Variants in WDR59 observed in about 807,000 individuals in gnomAD.
WDR59 encodes WD repeat domain 59.
In WDR59, 100 loss-of-function variants were observed where a neutral mutation model predicts 131.2. The observed-to-expected ratio is 0.76, with a 90% CI of 0.65 to 0.90. The LOEUF is 0.90. WDR59 is among the 40% of genes least tolerant of loss of function. The pLI, the probability that WDR59 is intolerant of heterozygous loss-of-function variation, is 0.00. For missense variants in WDR59, 1,203 were observed against 1,262.2 expected (o/e 0.95, Z 0.71); for synonymous variants, 601 against 466.2 (o/e 1.29, Z -3.72).
rs1567419722 is a variant in WDR59 at position 74,945,455 on chromosome 16, CA to C, written c.446-2630del. 5.4e-4 allele frequency among the ~76,000 whole-genome samples: 82 copies of C among 151,380 alleles called. 1 individual carries two copies. The East Asian group carries it at 0.014, about 26-fold the overall frequency. The stretch of plus-strand genomic sequence containing the variant: ...TCATGCCACTGCACTCCAGCCTGGG[CA>C]ACAGAGCGAGACTCTGTCTCAAAAA... On this transcript the variant is annotated intron_variant, in intron 6 of 25. Coordinates refer to ENST00000262144, the MANE Select transcript of WDR59 (RefSeq NM_030581.4).
In WDR59 at chr16:74,872,388, T is replaced by A. The variant is rs1964026756; in HGVS notation, c.*1821A>T. 1 of 152,012 alleles carries A rather than the reference T, an allele frequency of 6.6e-6. No individual in the cohort carries two copies. Among genetic ancestry groups the A allele is most frequent in the African/African-American group, 2.4e-5 (1 of 41,392 alleles). The allele number at this position is 152,012 out of a possible 1,614,324, so 9.4% of individuals were successfully genotyped here. A position where few individuals can be genotyped will look rare whatever the true frequency, so the allele number is the denominator to read the frequency against. On this transcript the variant is annotated 3_prime_UTR_variant, in exon 26 of 26. Coordinates refer to ENST00000262144, the MANE Select transcript of WDR59 (RefSeq NM_030581.4). ...TCTTTTCACTGGCACATACAAAATGTGAAGTTGAAAATCATTCTGAAATTA... is the reference window on the plus strand; with the variant it reads ...TCTTTTCACTGGCACATACAAAATGAGAAGTTGAAAATCATTCTGAAATTA...
rs796450907 is a variant in WDR59 at position 74,965,910 on chromosome 16, C to G, written c.55-88G>C. 10 of 1,458,164 alleles carry G rather than the reference C, an allele frequency of 6.9e-6. No homozygotes were observed. The African/African-American group carries it at 1.4e-4, about 20-fold the overall frequency. The allele number at this position is 1,458,164 out of a possible 1,614,324, so 90.3% of individuals were successfully genotyped here. A position where few individuals can be genotyped will look rare whatever the true frequency, so the allele number is the denominator to read the frequency against. Reference sequence around the variant, plus strand: ...TCTCTGTGGCTCTTCCTCTTCCTGTCTCCCAAGAAGTCCCCAGCTCGCAGG... The same window carrying G: ...TCTCTGTGGCTCTTCCTCTTCCTGTGTCCCAAGAAGTCCCCAGCTCGCAGG... On this transcript the variant is annotated intron_variant, in intron 1 of 25. Transcript: ENST00000262144.
intron 8 of WDR59, among the ~76,000 whole-genome samples, chr16:74,930,441 T>C (rs2031277617): frequency 6.6e-6 from 1 of 151,832 alleles, no homozygotes; most frequent in African/African-American, 2.4e-5. Context: ...AAATCAGCAG[T>C]GAGTTAAATT....
chr16:74,931,052 T>G (rs1186651081), intron 8 of WDR59, among the ~76,000 whole-genome samples: 1 of 152,066 alleles, frequency 6.6e-6, no homozygotes, highest in African/African-American at 2.4e-5. Flanking sequence ...TCAGACTATG[T>G]AGTTTGATAA....
At chr16:74,978,259 T>C (rs2145247224) in intron 1 of WDR59, among the ~76,000 whole-genome samples, 1 of 148,228 alleles carries the variant, frequency 6.7e-6, no homozygotes, top group South Asian at 2.1e-4. Flanking sequence ...GAGGCAGAGG[T>C]TACGGTGAGC....
chr16:74,938,096 T>A (rs2031945660), intron 8 of WDR59, 54 bp downstream of exon 8: 4 of 1,253,868 alleles, frequency 3.2e-6, no homozygotes, highest in East Asian at 2.7e-5. Context: ...GAATCATACA[T>A]CCCTGATGCC....
intron 9 of WDR59, among the ~76,000 whole-genome samples, chr16:74,923,504 G>C (rs1228237266): frequency 6.6e-6 from 1 of 152,030 alleles, no homozygotes; most frequent in Non-Finnish European, 1.5e-5. Flanking sequence ...TGGAGATGGA[G>C]TCTCGCTCTG....
At chr16:74,964,884 G>A (rs939789869) in intron 2 of WDR59, among the ~76,000 whole-genome samples, 1 of 152,048 alleles carries the variant, frequency 6.6e-6, no homozygotes, top group Non-Finnish European at 1.5e-5. Flanking sequence ...CCAACATGGT[G>A]AAACCCTGTC....
intron 4 of WDR59, 90 bp from the exon 5 acceptor site, chr16:74,949,888 T>G: frequency 8.8e-7 from 1 of 1,134,542 alleles, no homozygotes; most frequent in Non-Finnish European, 1.3e-6. Context: ...TCCAGTGGCT[T>G]CAGAATGTCA....
At chr16:74,984,871 TC>T in intron 1 of WDR59, 92 bp downstream of exon 1, 2 of 1,530,888 alleles carry the variant, frequency 1.3e-6, no homozygotes, top group Non-Finnish European at 1.8e-6. Context: ...GCCTAGGGTC[TC>T]CCCGTAGCCC....
chr16:74,960,124 G>T (rs1281565574), intron 2 of WDR59, among the ~76,000 whole-genome samples: 5 of 151,744 alleles, frequency 3.3e-5, no homozygotes, highest in Admixed American at 2.6e-4. Flanking sequence ...GAGCTCAGGG[G>T]CTTGAGACCA....
intron 9 of WDR59, among the ~76,000 whole-genome samples, chr16:74,923,046 T>C (rs2030405725): frequency 6.6e-6 from 1 of 152,234 alleles, no homozygotes; most frequent in Non-Finnish European, 1.5e-5. Context: ...ACCCACTCTA[T>C]TTGTAGCATT....
Position 74,949,787 on chromosome 16 carries a change from C to T in WDR59, c.338G>A (p.Trp113Ter). The T allele has an allele frequency of 1.2e-6, 2 of 1,613,906 alleles. No individual in the cohort carries two copies. Among genetic ancestry groups the T allele is most frequent in the Non-Finnish European group, 8.5e-7 (1 of 1,179,876 alleles). Reference protein sequence around the residue: ...GHTRVISDLDWAVFEPDLLVT... With the variant: ...GHTRVISDLD The stretch of plus-strand genomic sequence containing the variant: ...CAGGAGGTCAGGCTCAAACACCGCC[C>T]AGTCCAAGTCGCTGGGACACAAAGA... The change falls in exon 5 of 26, where the codon TGG (tryptophan) becomes TAG (stop). Residue 113 changes from tryptophan (W) to a stop codon, truncating the protein, a stop_gained. Coordinates refer to ENST00000262144, the MANE Select transcript of WDR59 (RefSeq NM_030581.4). LOFTEE classifies it high-confidence loss of function.
chr16:74,881,256 T>C (rs1964467624), intron 25 of WDR59, among the ~76,000 whole-genome samples: 1 of 152,230 alleles, frequency 6.6e-6, no homozygotes, highest in Non-Finnish European at 1.5e-5. Context: ...AGTCTGTGGA[T>C]ATGGGATGAC....
chr16:74,936,174 G>A (rs2031783838), intron 8 of WDR59, among the ~76,000 whole-genome samples: 1 of 152,068 alleles, frequency 6.6e-6, no homozygotes, highest in Non-Finnish European at 1.5e-5. Context: ...GAGCCACCAT[G>A]CCCGACCACC....
chr16:74,897,679 T>G (rs1418378044), intron 18 of WDR59, among the ~76,000 whole-genome samples: 2 of 152,132 alleles, frequency 1.3e-5, no homozygotes. Context: ...ATCACCCTAA[T>G]TAGAGTTGCT....
intron 1 of WDR59, among the ~76,000 whole-genome samples, chr16:74,966,143 C>A (rs1371706985): frequency 6.6e-6 from 1 of 152,094 alleles, no homozygotes; most frequent in East Asian, 1.9e-4. Context: ...CTACCTGTTA[C>A]CCCCACACCA....
At chr16:74,964,880 TG>T (rs1299896921) in intron 2 of WDR59, among the ~76,000 whole-genome samples, 1 of 152,048 alleles carries the variant, frequency 6.6e-6, no homozygotes, top group African/African-American at 2.4e-5. Context: ...CTGGCCAACA[TG>T]GTGAAACCCT....
chr16:74,965,669 G>A (rs931825305), intron 2 of WDR59, 104 bp downstream of exon 2: 1 of 1,390,948 alleles, frequency 7.2e-7, no homozygotes, highest in African/African-American at 1.4e-5. Context: ...TAAACCCTAT[G>A]ATCATAATCC....
Sources: gnomAD v4.1 joint callset for allele counts (sites outside exome capture counted in the v4.1 genomes callset) on GRCh38, gnomAD v4.1.1 for gene constraint, MANE v1.5 for transcripts, NCBI Gene and HGNC (gene_info 2026-07-23, HGNC 2026-07-21) for gene names.